Variants in ATP12A observed in about 807,000 individuals in gnomAD.
ATP12A encodes ATPase H+/K+ transporting non-gastric alpha2 subunit.
A neutral mutation model predicts 111.2 loss-of-function variants in ATP12A; 81 were observed. That is an observed-to-expected ratio of 0.73 (90% confidence interval 0.61 to 0.88). The LOEUF (loss-of-function observed/expected upper bound fraction) is 0.88, where lower values mean the gene tolerates loss of function less well. ATP12A is among the 40% of genes least tolerant of loss of function. The pLI, the probability that ATP12A is intolerant of heterozygous loss-of-function variation, is 0.00. For missense variants in ATP12A, 1,196 were observed against 1,313.1 expected (o/e 0.91, Z 1.38); for synonymous variants, 498 against 499.8 (o/e 1.00, Z 0.05).
intron 17 of ATP12A, among the ~76,000 whole-genome samples, chr13:24,708,613 C>A (rs936236310): frequency 6.6e-6 from 1 of 152,086 alleles, no homozygotes; most frequent in African/African-American, 2.4e-5. Flanking sequence ...CACTGGTGGA[C>A]ACCTGTAGCC....
At chr13:24,681,347 C>T (rs927705764) in intron 1 of ATP12A, among the ~76,000 whole-genome samples, 15 of 152,106 alleles carry the variant, frequency 9.9e-5, no homozygotes, top group Non-Finnish European at 8.8e-5. Context: ...CTGTGCCCAC[C>T]CCGCCTCCCC....
intron 17 of ATP12A, among the ~76,000 whole-genome samples, chr13:24,708,872 GAA>G (rs1364113942): frequency 8.8e-6 from 1 of 114,102 alleles, no homozygotes; most frequent in Non-Finnish European, 2.0e-5. Context: ...GAGAGAAAGA[GAA>G]AGAGAGAGAA....
chr13:24,681,074 G>C (rs61948066), intron 1 of ATP12A, among the ~76,000 whole-genome samples: 1 of 152,092 alleles, frequency 6.6e-6, no homozygotes, highest in South Asian at 2.1e-4. Context: ...GATTCGTTGC[G>C]GTCTGAAAAG....
intron 14 of ATP12A, 135 bp from the exon 15 acceptor site, chr13:24,706,178 C>A: frequency 8.6e-7 from 1 of 1,157,668 alleles, no homozygotes. Context: ...CCTGTTACCT[C>A]ACTAGAGCAT....
Position 24,689,374 on chromosome 13 carries a change from A to C in ATP12A, c.545A>C (p.Gln182Pro). The change falls in exon 5 of 23, where the codon CAG becomes CCG. Residue 182 changes from glutamine (Q) to proline (P), a missense_variant and splice_region_variant. Around this residue, in one of 3 missense-constraint regions of ATP12A, gnomAD observed 1,126 missense variants for 1,228.5 expected, o/e 0.92. Coordinates refer to ENST00000381946, the MANE Select transcript of ATP12A (RefSeq NM_001676.7). The part of the protein sequence containing the change: ...IMSSFNKMIP[Q>P]QALVIRDSEK... ...TCCAGCTTCAATAAGATGATCCCTC[A>C]GGTGAGTGGCAGCCACCTATCCTCT... is the stretch of plus-strand genomic sequence containing the variant. 6.2e-7 allele frequency: 1 copy of C among 1,613,364 alleles called. No individual in the cohort carries two copies. The highest frequency in any genetic ancestry group is 8.5e-7 in the Non-Finnish European group (1 of 1,179,354).
chr13:24,708,486 A>G (rs547475735), intron 17 of ATP12A, among the ~76,000 whole-genome samples: 21 of 152,240 alleles, frequency 1.4e-4, no homozygotes, highest in Admixed American at 2.6e-4. Flanking sequence ...TGAGGTCCCC[A>G]AAGTTGATGG....
At chr13:24,686,059 CT>C (rs1255231714) in intron 3 of ATP12A, among the ~76,000 whole-genome samples, 2 of 152,272 alleles carry the variant, frequency 1.3e-5, no homozygotes, top group African/African-American at 4.8e-5. Flanking sequence ...ATAGAAGATT[CT>C]TTTTTTAAAG....
chr13:24,710,484 G>A lies in ATP12A; in HGVS notation c.2788G>A (p.Glu930Lys). ...EWTRYQREYL[E>K]WTGYTAFFVG... ...GACAAGGTACCAGAGGGAATACCTA[G>A]AATGGACGGGCTACACGGCTTTCTT... Residue 930 changes from glutamate to lysine, a missense_variant, in exon 20 of 23, where the codon GAA becomes AAA. Coordinates refer to ENST00000381946, the MANE Select transcript of ATP12A (RefSeq NM_001676.7). 1 of 1,614,178 alleles carries A rather than the reference G, an allele frequency of 6.2e-7. No homozygotes were observed. The highest frequency in any genetic ancestry group is 8.5e-7 in the Non-Finnish European group (1 of 1,180,042).
chr13:24,706,242 T>C (rs1169746858), intron 14 of ATP12A, 71 bp from the exon 15 acceptor site: 1 of 1,561,954 alleles, frequency 6.4e-7, no homozygotes, highest in Admixed American at 1.8e-5. Flanking sequence ...TCAGCCAGCA[T>C]CCTGCCTGGA....
intron 2 of ATP12A, among the ~76,000 whole-genome samples, chr13:24,682,120 TGTGTGTGTGTGGTGTGTATATGTGTGTG>T (rs1874485894): frequency 2.0e-5 from 2 of 101,668 alleles, no homozygotes; most frequent in Non-Finnish European, 4.1e-5. Context: ...GTGTGTGTGG[TGTGTGTGTGTGGTGTGTATATGTGTGTG>T]GTGTGTGTGT....
At position 24,688,424 on chromosome 13, in the gene ATP12A, G is replaced by T. The variant is rs1292410559; in HGVS notation, c.334G>T (p.Val112Leu). Residue 112 changes from valine (V) to leucine (L), a missense_variant, in exon 4 of 23, where the codon GTG (valine) becomes TTG (leucine). Physicochemically the swap from Val to Leu is conservative, Grantham distance 32 (BLOSUM62 1). Around this residue, in one of 3 missense-constraint regions of ATP12A, gnomAD observed 1,126 missense variants for 1,228.5 expected, o/e 0.92. Transcript: ENST00000381946. ...PEIVKFLKQMVGGFSILLWVG... is the reference protein window; with the variant it reads ...PEIVKFLKQMLGGFSILLWVG... ...GATCGTCAAGTTCCTCAAGCAGATG[G>T]TGGGGGGGTTCTCTATCCTCCTGTG... 1 of 1,614,152 alleles carries T rather than the reference G, an allele frequency of 6.2e-7. No homozygotes were observed. The highest frequency in any genetic ancestry group is 1.1e-5 in the South Asian group (1 of 91,066).
At chr13:24,698,177 C>T (rs776965878) in intron 11 of ATP12A, among the ~76,000 whole-genome samples, 13 of 152,058 alleles carry the variant, frequency 8.5e-5, no homozygotes, top group Non-Finnish European at 1.6e-4. Context: ...CCTCACACCC[C>T]GCCATTTTCT....
At chr13:24,681,540 T>C (rs752740326) in intron 1 of ATP12A, 22 bp from the exon 2 acceptor site, 69 of 1,606,470 alleles carry the variant, frequency 4.3e-5, no homozygotes, top group Non-Finnish European at 5.8e-5. Context: ...GGGCCAATAT[T>C]GCACCTGGGC....
At chr13:24,709,279 G>GCCCCCC in intron 17 of ATP12A, 85 bp from the exon 18 acceptor site, 17 of 211,216 alleles carry the variant, frequency 8.0e-5, no homozygotes, top group South Asian at 3.2e-4. Context: ...TCCAGCCAGT[G>GCCCCCC]CCCCACCCAC....
chr13:24,691,004 CA>C lies in ATP12A; in HGVS notation c.824del (p.Asn275ThrfsTer54), dbSNP rs776776856. On this transcript the variant is annotated frameshift_variant, in exon 8 of 23. Transcript: ENST00000381946. LOFTEE classifies it high-confidence loss of function. ...TAGGCACTGTCACCGGCATGGTTAT[CA>C]ACACGGGTGACCGCACCATCATTGG... is the stretch of plus-strand genomic sequence containing the variant. ...LEGTVTGMVI[N>X]TGDRTIIGHI... 6.2e-7 allele frequency: 1 copy of C among 1,614,100 alleles called. No homozygotes were observed. Among genetic ancestry groups the C allele is most frequent in the Non-Finnish European group, 8.5e-7 (1 of 1,180,038 alleles).
At chr13:24,696,424 G>GCCTGTGTGA (rs1555254814) in intron 11 of ATP12A, among the ~76,000 whole-genome samples, 1 of 134,244 alleles carries the variant, frequency 7.4e-6, no homozygotes, top group African/African-American at 2.7e-5. Context: ...GGGGAGAGGG[G>GCCTGTGTGA]GGCCGGGCGC....
At chr13:24,689,793 G>C (rs1427202559) in intron 5 of ATP12A, among the ~76,000 whole-genome samples, 1 of 152,146 alleles carries the variant, frequency 6.6e-6, no homozygotes, top group Non-Finnish European at 1.5e-5. Context: ...AAAAACCCCT[G>C]TCAGGTGTCC....
intron 13 of ATP12A, 137 bp from the exon 14 acceptor site, chr13:24,701,798 C>T: frequency 3.5e-6 from 4 of 1,136,362 alleles, no homozygotes; most frequent in Admixed American, 1.9e-5. Context: ...ACAGTTGTCT[C>T]GTAGATCCAG....
At chr13:24,686,268 G>A (rs988648103) in intron 3 of ATP12A, among the ~76,000 whole-genome samples, 2 of 151,824 alleles carry the variant, frequency 1.3e-5, no homozygotes, top group African/African-American at 2.4e-5. Context: ...GTGAAACCCC[G>A]TTTCTACTAA....
Sources: gnomAD v4.1 joint callset for allele counts (sites outside exome capture counted in the v4.1 genomes callset) on GRCh38, gnomAD v4.1.1 for gene constraint, gnomAD v4.1.1 regional missense constraint, MANE v1.5 for transcripts, NCBI Gene and HGNC (gene_info 2026-07-23, HGNC 2026-07-21) for gene names.